The following PHF8 variants were observed in gnomAD, a reference collection of about 807,000 sequenced individuals.
PHF8 encodes PHD finger protein 8.
PHF8 carries 9 observed loss-of-function variants against 74.4 expected under a neutral mutation model. The observed-to-expected ratio is 0.12, with a 90% CI of 0.07 to 0.21. The LOEUF is 0.21. Ranked by LOEUF, PHF8 falls within the 10% of genes least tolerant of loss-of-function variation. The pLI is 1.00. For synonymous variants in PHF8, 311 were observed against 316.6 expected (o/e 0.98, Z 0.19); for missense variants, 478 against 816.6 (o/e 0.59, Z 5.05).
chrX:53,995,886 C>A, intron 11 of PHF8, 104 bp from the exon 12 acceptor site: 1 of 448,781 alleles, frequency 2.2e-6, no homozygotes, highest in Non-Finnish European at 3.9e-6. Context: ...GTCTTTTCAA[C>A]AAATGATTCT....
chrX:53,980,416 G>A (rs2065461633), intron 18 of PHF8, among the ~76,000 whole-genome samples: 1 of 111,015 alleles, frequency 9.0e-6, no homozygotes, highest in Admixed American at 9.7e-5. Context: ...ACCACATGAA[G>A]AGGCAGCAAG....
chrX:53,970,490 C>T (rs955626268), intron 18 of PHF8, among the ~76,000 whole-genome samples: 1 of 111,384 alleles, frequency 9.0e-6, no homozygotes, highest in African/African-American at 3.3e-5. Flanking sequence ...TAAATTCACA[C>T]GTAACAATAT....
intron 19 of PHF8, among the ~76,000 whole-genome samples, chrX:53,959,706 A>G (rs1557090047): frequency 9.2e-6 from 1 of 108,211 alleles, no homozygotes; most frequent in Admixed American, 1.0e-4. Context: ...TACTAAAAAT[A>G]CAAAAAAATT....
At chrX:53,939,828 G>C (rs1308934095) in intron 21 of PHF8, among the ~76,000 whole-genome samples, 2 of 110,359 alleles carry the variant, frequency 1.8e-5, no homozygotes, top group African/African-American at 3.3e-5. Context: ...TGTCCTATTT[G>C]ACTGCCTCCA....
intron 19 of PHF8, among the ~76,000 whole-genome samples, chrX:53,958,042 TA>T (rs1240156929): frequency 5.7e-5 from 5 of 88,458 alleles, no homozygotes; most frequent in African/African-American, 4.0e-4. Context: ...TATCAAGAAC[TA>T]TTTTTTTTTT....
At chrX:54,033,726 T>A (rs146763012) in intron 2 of PHF8, among the ~76,000 whole-genome samples, 1,475 of 105,630 alleles carry the variant, frequency 0.014, 9 homozygotes, top group Admixed American at 0.03. Flanking sequence ...AAAAAAATCA[T>A]CATCATCATA....
chrX:54,044,424 T>C lies in PHF8; in HGVS notation c.-755A>G, dbSNP rs782769706. 3.4e-4 allele frequency: 252 copies of C among 751,273 alleles called. 4 individuals are homozygous for C. In the South Asian group the frequency reaches 0.014, roughly 43 times the overall value. 61.9% of individuals were successfully genotyped at this position (751,273 alleles called of 1,213,427 possible). On this transcript the variant is annotated 5_prime_UTR_variant, in exon 1 of 22. Transcript: ENST00000338154. ...GCTACCATGTTGAGAGTGGCGGCGC[T>C]ACCCAGACAACCAAGGCGACCGCCA...
chrX:53,951,497 C>A (rs959344708), intron 19 of PHF8, among the ~76,000 whole-genome samples: 1 of 110,759 alleles, frequency 9.0e-6, no homozygotes, highest in Non-Finnish European at 1.9e-5. Context: ...ATTACCCAGG[C>A]TGGAGTGCAG....
chrX:54,027,152 T>C (rs782702956), intron 2 of PHF8, among the ~76,000 whole-genome samples: 96 of 111,038 alleles, frequency 8.6e-4, no homozygotes, highest in South Asian at 2.7e-3. Context: ...CTTTCTGCAG[T>C]ATCTTCAATC....
At chrX:54,002,553 C>T in intron 9 of PHF8, 42 bp downstream of exon 9, 1 of 859,738 alleles carries the variant, frequency 1.2e-6, no homozygotes, top group Non-Finnish European at 1.7e-6. Context: ...CTCTAGCAGA[C>T]AGGAATGGCC....
At chrX:53,939,837 C>T (rs904060685) in intron 21 of PHF8, among the ~76,000 whole-genome samples, 8 of 110,698 alleles carry the variant, frequency 7.2e-5, no homozygotes, top group African/African-American at 2.6e-4. Flanking sequence ...TGACTGCCTC[C>T]ATATTTGATC....
intron 11 of PHF8, among the ~76,000 whole-genome samples, chrX:53,997,671 G>C (rs1701221424): frequency 9.0e-6 from 1 of 111,528 alleles, no homozygotes; most frequent in Non-Finnish European, 1.9e-5. Context: ...ACTCTGTTTG[G>C]GGCCATCCCT....
At chrX:54,014,246 C>T (rs2066027100) in intron 7 of PHF8, 131 bp downstream of exon 7, 8 of 530,527 alleles carry the variant, frequency 1.5e-5, no homozygotes, top group South Asian at 7.8e-5. Context: ...TGAGCCACCG[C>T]GCCCGGCCAA....
In PHF8 at chrX:53,940,323, C is replaced by T; in HGVS notation, c.2843G>A (p.Ser948Asn). 2 of 1,209,938 alleles carry T rather than the reference C, an allele frequency of 1.7e-6. No homozygotes were observed. The highest frequency in any genetic ancestry group is 2.2e-6 in the Non-Finnish European group (2 of 894,679). The change falls in exon 21 of 22, where the codon AGT becomes AAT. Residue 948 changes from serine (S) to asparagine (N), a missense_variant. Ser to Asn is a conservative substitution (Grantham distance 46, BLOSUM62 1). Coordinates refer to ENST00000338154, the MANE Select transcript of PHF8 (RefSeq NM_015107.3). The part of the protein sequence containing the change: ...PEPKQEALSG[S>N]LADHEYTARP... ...AGCGGTGTACTCATGGTCAGCGAGA[C>T]TTCCTGACAGGGCCTCTTGTTTAGG...
Position 53,966,525 on chromosome X carries a change from C to T in PHF8, c.2444-3586G>A, listed in dbSNP as rs782769939. ...CCAGGATTGCAGACGGTGTCTGGTT[C>T]ACTCAGTGCTCAATGGTGCCCAGGC... is the stretch of plus-strand genomic sequence containing the variant. On this transcript the variant is annotated intron_variant, in intron 18 of 21. Coordinates refer to ENST00000338154, the MANE Select transcript of PHF8 (RefSeq NM_015107.3). Among the ~76,000 whole-genome samples, 10 of 112,792 alleles carry T rather than the reference C, an allele frequency of 8.9e-5. No homozygotes were observed. The East Asian group carries it at 2.0e-3, about 22-fold the overall frequency.
chrX:53,961,995 C>T (rs181902883), intron 19 of PHF8, among the ~76,000 whole-genome samples: 129 of 112,462 alleles, frequency 1.1e-3, no homozygotes, highest in African/African-American at 3.8e-3. Context: ...TAAGCAAAGG[C>T]TTGAAAAGTG....
At chrX:53,989,553 T>C (rs1557100776) in intron 14 of PHF8, among the ~76,000 whole-genome samples, 2 of 110,459 alleles carry the variant, frequency 1.8e-5, no homozygotes. Flanking sequence ...AAGACACTCA[T>C]GATTGCTGGT....
chrX:54,018,451 G>A (rs1436903815), intron 4 of PHF8, among the ~76,000 whole-genome samples: 1 of 88,190 alleles, frequency 1.1e-5, no homozygotes, highest in Non-Finnish European at 2.1e-5. Context: ...GAGAGTCCCT[G>A]TCTTTTTTTT....
chrX:53,944,631 T>C (rs782590593), intron 19 of PHF8: 36 of 169,371 alleles, frequency 2.1e-4, no homozygotes, highest in African/African-American at 9.9e-4. Context: ...AGTGGGAGGA[T>C]TGCTTGAGCC....
Sources: allele counts gnomAD v4.1 joint callset (sites outside exome capture counted in the v4.1 genomes callset), GRCh38; gene constraint gnomAD v4.1.1; transcripts MANE v1.5; gene names NCBI Gene and HGNC (gene_info 2026-07-23, HGNC 2026-07-21).